NAF1: variants seen among roughly 807,000 people sequenced by gnomAD.
The protein encoded by NAF1 is nuclear assembly factor 1 ribonucleoprotein.
In NAF1, 11 loss-of-function variants were observed where a neutral mutation model predicts 40.6. The observed-to-expected ratio is 0.27, with a 90% CI of 0.17 to 0.45. NAF1 has a LOEUF of 0.45. Among genes scored for constraint, NAF1 ranks in the 20% least tolerant of loss-of-function variants. NAF1 has a pLI of 1.00. For missense variants in NAF1, 607 were observed against 611.1 expected, an observed-to-expected ratio of 0.99 and a Z score of 0.07; for synonymous variants, 260 against 228.5, an observed-to-expected ratio of 1.14 and a Z score of -1.24.
intron 2 of NAF1, among the ~76,000 whole-genome samples, chr4:163,149,445 A>G (rs1560798999): frequency 1.3e-5 from 2 of 152,306 alleles, no homozygotes; most frequent in East Asian, 3.9e-4. Context: ...TCTTAAAATC[A>G]TTCAACCAGA....
intron 2 of NAF1, among the ~76,000 whole-genome samples, chr4:163,152,327 C>A (rs1326176335): frequency 1.3e-5 from 2 of 152,274 alleles, no homozygotes; most frequent in South Asian, 2.1e-4. Context: ...GTAAGTTGAG[C>A]AGTTCAGTCT....
intron 2 of NAF1, among the ~76,000 whole-genome samples, chr4:163,118,732 G>T (rs140071648): frequency 6.6e-6 from 1 of 151,982 alleles, no homozygotes; most frequent in African/African-American, 2.4e-5. Flanking sequence ...CAGGCTGGGC[G>T]ACAGAGAGAG....
At chr4:163,120,796 T>C (rs1019562589) in intron 2 of NAF1, among the ~76,000 whole-genome samples, 4 of 152,186 alleles carry the variant, frequency 2.6e-5, no homozygotes, top group African/African-American at 9.7e-5. Flanking sequence ...ATTGCATATA[T>C]CTAGTCTGCC....
chr4:163,153,254 G>A lies in NAF1; in HGVS notation c.541-4820C>T, dbSNP rs566394825. 1.3e-3 allele frequency among the ~76,000 whole-genome samples: 191 copies of A among 152,344 alleles called. 1 individual carries two copies. The highest frequency in any genetic ancestry group is 4.3e-3 in the African/African-American group (179 of 41,586). On this transcript the variant is annotated intron_variant, in intron 2 of 7. Transcript: ENST00000274054. Reference sequence around the variant, plus strand: ...CGAGCGCATGGCGTGGGACTGGCAGGCAGCTCCACCTGCAGCCCCGGTGCA... The same window carrying A: ...CGAGCGCATGGCGTGGGACTGGCAGACAGCTCCACCTGCAGCCCCGGTGCA...
At chr4:163,107,673 C>G (rs1172387120), downstream of NAF1, among the ~76,000 whole-genome samples, 2 of 152,116 alleles carry the variant, frequency 1.3e-5, no homozygotes, top group African/African-American at 2.4e-5. Flanking sequence ...GTTCCATTAG[C>G]CTGAACCTGG....
chr4:163,127,349 C>T (rs1730695156), downstream of NAF1, among the ~76,000 whole-genome samples: 1 of 152,090 alleles, frequency 6.6e-6, no homozygotes. Flanking sequence ...AGGCTGGTCT[C>T]GAACTCCTGA....
intron 2 of NAF1, among the ~76,000 whole-genome samples, chr4:163,162,723 T>A (rs1168833236): frequency 2.0e-5 from 3 of 152,190 alleles, no homozygotes; most frequent in South Asian, 2.1e-4. Flanking sequence ...CTTAAAGAAT[T>A]AATAAATATA....
In NAF1 at chr4:163,137,263, G is replaced by A. The variant is rs1579151614; in HGVS notation, c.879-13C>T. 1.2e-6 allele frequency: 2 copies of A among 1,600,032 alleles called. No individual in the cohort carries two copies. Reference sequence around the variant, plus strand: ...TGATCCCTTATCCCTGAGTGGGGTGGGGATGGGAGTCAAAAAAGTATTCAT... The same window carrying A: ...TGATCCCTTATCCCTGAGTGGGGTGAGGATGGGAGTCAAAAAAGTATTCAT... On this transcript the variant is annotated splice_polypyrimidine_tract_variant and intron_variant, in intron 5 of 7. Coordinates refer to ENST00000274054, the MANE Select transcript of NAF1 (RefSeq NM_138386.3).
intron 4 of NAF1, among the ~76,000 whole-genome samples, chr4:163,143,268 C>G (rs1306825577): frequency 6.6e-6 from 1 of 152,182 alleles, no homozygotes; most frequent in African/African-American, 2.4e-5. Flanking sequence ...GGATTCCTAT[C>G]ACACACAGAG....
intron 7 of NAF1, among the ~76,000 whole-genome samples, chr4:163,130,756 G>C (rs372572347): frequency 3.9e-5 from 6 of 152,208 alleles, no homozygotes; most frequent in African/African-American, 1.4e-4. Context: ...AATAAATCTA[G>C]ACAATAACCT....
chr4:163,135,786 T>A (rs1286465106), intron 6 of NAF1: 1 of 151,908 alleles, frequency 6.6e-6, no homozygotes, highest in Non-Finnish European at 1.5e-5. Context: ...CAAAACTCCA[T>A]CCCCTACCCA....
Position 163,164,323 on chromosome 4 carries a change from G to A in NAF1, c.434C>T (p.Ser145Phe), listed in dbSNP as rs2111068419. The change falls in exon 2 of 8, where the codon TCT (serine) becomes TTT (phenylalanine). Residue 145 changes from serine to phenylalanine, a missense_variant. This residue lies in a region of NAF1 where 407 missense variants were observed against 365.5 expected (regional missense o/e 1.11). Transcript: ENST00000274054. ...CAGCACTGGAGGAAGTGATATACAA[G>A]AGGAAGAAGACGACGATGAGGAAGA... ...SSSSSSSSSS[S>F]CISLPPVLSD... 2 of 1,601,894 alleles carry A rather than the reference G, an allele frequency of 1.2e-6. No homozygotes were observed. Among genetic ancestry groups the A allele is most frequent in the Non-Finnish European group, 1.7e-6 (2 of 1,175,202 alleles).
chr4:163,165,835 T>A (rs1357006653), intron 1 of NAF1, among the ~76,000 whole-genome samples: 1 of 152,162 alleles, frequency 6.6e-6, no homozygotes, highest in Non-Finnish European at 1.5e-5. Flanking sequence ...TAAATAACAC[T>A]GTTTGGCTAC....
At chr4:163,147,285 T>G in intron 3 of NAF1, among the ~76,000 whole-genome samples, 1 of 152,324 alleles carries the variant, frequency 6.6e-6, no homozygotes, top group African/African-American at 2.4e-5. Context: ...TTTCTACCAC[T>G]GACTCACTAT....
intron 2 of NAF1, among the ~76,000 whole-genome samples, chr4:163,158,605 A>G (rs1732086390): frequency 6.6e-6 from 1 of 151,492 alleles, no homozygotes; most frequent in East Asian, 1.9e-4. Context: ...AAATGAATAC[A>G]TTATTATCCT....
At chr4:163,128,155 T>C (rs1284766812), downstream of NAF1, among the ~76,000 whole-genome samples, 2 of 152,228 alleles carry the variant, frequency 1.3e-5, no homozygotes, top group Non-Finnish European at 2.9e-5. Context: ...TTGTTATTTA[T>C]GGAACCTAGT....
intron 4 of NAF1, among the ~76,000 whole-genome samples, chr4:163,143,577 G>A (rs1258034232): frequency 6.6e-6 from 1 of 152,168 alleles, no homozygotes; most frequent in East Asian, 1.9e-4. Context: ...TCTAGAGGGG[G>A]CTAGGTAACT....
At chr4:163,144,393 G>A (rs1160787615) in intron 4 of NAF1, among the ~76,000 whole-genome samples, 2 of 152,310 alleles carry the variant, frequency 1.3e-5, no homozygotes, top group East Asian at 1.9e-4. Context: ...AAATATCACT[G>A]TAGCTGATTA....
At chr4:163,131,605 G>C (rs1730876942) in intron 7 of NAF1, among the ~76,000 whole-genome samples, 1 of 152,076 alleles carries the variant, frequency 6.6e-6, no homozygotes, top group African/African-American at 2.4e-5. Flanking sequence ...AATCACAAGT[G>C]TACAATTTAA....
Sources: allele counts gnomAD v4.1 joint callset (sites outside exome capture counted in the v4.1 genomes callset), GRCh38; gene constraint gnomAD v4.1.1; regional missense constraint gnomAD v4.1.1; transcripts MANE v1.5; gene names NCBI Gene and HGNC (gene_info 2026-07-23, HGNC 2026-07-21).